Variants in STPG2 observed in about 807,000 individuals in gnomAD.
STPG2 encodes sperm tail PG-rich repeat containing 2.
Under a neutral mutation model 54.2 loss-of-function variants are expected in STPG2, and 56 were observed. The ratio of observed to expected loss-of-function variants is 1.03; its 90% confidence interval spans 0.83 to 1.29. The LOEUF is 1.29. Ranked by LOEUF, STPG2 falls within the 50% of genes most tolerant of loss-of-function variation. The pLI is 0.00. For synonymous variants in STPG2, 200 were observed against 181.8 expected, an observed-to-expected ratio of 1.10 and a Z score of -0.81; for missense variants, 596 against 544.9, an observed-to-expected ratio of 1.09 and a Z score of -0.93.
chr4:97,805,571 G>C (rs1402742286), intron 9 of STPG2, among the ~76,000 whole-genome samples: 1 of 152,138 alleles, frequency 6.6e-6, no homozygotes, highest in African/African-American at 2.4e-5. Context: ...GTCTTCTTTA[G>C]AGAAGTGTCT....
chr4:97,650,036 T>A (rs1722020259), intron 10 of STPG2, among the ~76,000 whole-genome samples: 1 of 152,072 alleles, frequency 6.6e-6, no homozygotes. Context: ...TAGATTCTCA[T>A]AAGGAGCACG....
At chr4:98,079,118 A>G (rs1038076821) in intron 5 of STPG2, among the ~76,000 whole-genome samples, 2 of 152,180 alleles carry the variant, frequency 1.3e-5, no homozygotes, top group African/African-American at 4.8e-5. Context: ...TATTATATAT[A>G]TACATTTAAA....
At chr4:97,955,585 CAGAA>C (rs1365100656) in intron 7 of STPG2, among the ~76,000 whole-genome samples, 1 of 151,900 alleles carries the variant, frequency 6.6e-6, no homozygotes, top group Non-Finnish European at 1.5e-5. Context: ...ATGAGAGTCT[CAGAA>C]AGACAGCAAG....
intron 5 of STPG2, among the ~76,000 whole-genome samples, chr4:98,098,852 A>C (rs1373626313): frequency 6.6e-6 from 1 of 152,236 alleles, no homozygotes; most frequent in Non-Finnish European, 1.5e-5. Flanking sequence ...TACAAATGGC[A>C]ACAAGCCTAT....
At chr4:97,558,406 T>A (rs1732133576), downstream of STPG2, among the ~76,000 whole-genome samples, 1 of 152,148 alleles carries the variant, frequency 6.6e-6, no homozygotes, top group African/African-American at 2.4e-5. Flanking sequence ...TGATTCGCCC[T>A]TAAGGAAAAA....
Position 97,903,954 on chromosome 4 carries a change from C to A in STPG2, c.1044+39943G>T, listed in dbSNP as rs544346018. Among the ~76,000 whole-genome samples the A allele has an allele frequency of 1.7e-3, 265 of 152,294 alleles. 2 individuals are homozygous for A. The highest frequency in any genetic ancestry group is 5.9e-3 in the African/African-American group (247 of 41,572). On this transcript the variant is annotated intron_variant, in intron 8 of 10. Transcript: ENST00000295268. ...CACCTGGCTCAGAGAGTCCTACGCC[C>A]ACAGAGTCTCGCTGATTGCTAGCAC...
intron 8 of STPG2, among the ~76,000 whole-genome samples, chr4:97,872,315 G>A (rs1005095007): frequency 6.6e-6 from 1 of 150,998 alleles, no homozygotes; most frequent in Admixed American, 6.6e-5. Context: ...CATCACTAAA[G>A]GCTTAAACAT....
At chr4:97,717,686 A>T (rs1469964804) in intron 9 of STPG2, among the ~76,000 whole-genome samples, 2 of 152,150 alleles carry the variant, frequency 1.3e-5, no homozygotes, top group Non-Finnish European at 2.9e-5. Context: ...ACGTAAATAC[A>T]TTGTAGATAA....
chr4:97,722,897 A>T (rs1286306532), intron 9 of STPG2, among the ~76,000 whole-genome samples: 3 of 146,840 alleles, frequency 2.0e-5, no homozygotes, highest in African/African-American at 7.6e-5. Context: ...TCCCGGGTTC[A>T]CGCCATTCTC....
chr4:97,850,315 T>TAAATAAATAAAG (rs1399539965), intron 8 of STPG2, among the ~76,000 whole-genome samples: 4 of 131,360 alleles, frequency 3.0e-5, no homozygotes, highest in African/African-American at 1.0e-4. Flanking sequence ...AATAAATAAA[T>TAAATAAATAAAG]AAATAAATAA....
intron 4 of STPG2, among the ~76,000 whole-genome samples, chr4:97,537,367 G>A (rs1174320610): frequency 1.3e-5 from 2 of 152,160 alleles, no homozygotes; most frequent in African/African-American, 4.8e-5. Context: ...ATTTCCAACA[G>A]TCTTAGCAAA....
chr4:97,616,744 A>T (rs1355650367), intron 10 of STPG2, among the ~76,000 whole-genome samples: 1 of 152,072 alleles, frequency 6.6e-6, no homozygotes, highest in Non-Finnish European at 1.5e-5. Flanking sequence ...TCCTCTCCCC[A>T]AAAAGACTTG....
chr4:98,077,426 C>A (rs754127137), intron 5 of STPG2, among the ~76,000 whole-genome samples: 1 of 151,908 alleles, frequency 6.6e-6, no homozygotes, highest in South Asian at 2.1e-4. Flanking sequence ...GTATTTAACA[C>A]GGGGTTTCAC....
chr4:97,526,824 C>T (rs1390576742), intron 4 of STPG2, among the ~76,000 whole-genome samples: 2 of 151,972 alleles, frequency 1.3e-5, no homozygotes, highest in Admixed American at 6.6e-5. Context: ...ACATTTAAGC[C>T]TTTAATCCAT....
At chr4:98,014,206 T>A (rs1735851859) in intron 5 of STPG2, among the ~76,000 whole-genome samples, 1 of 152,194 alleles carries the variant, frequency 6.6e-6, no homozygotes, top group Non-Finnish European at 1.5e-5. Context: ...CTTCTTGATT[T>A]CTGCCTTAAC....
rs552800424 is a variant in STPG2 at position 97,515,066 on chromosome 4, C to T, written c.462+197633G>A. 5.3e-5 allele frequency among the ~76,000 whole-genome samples: 8 copies of T among 152,106 alleles called. No homozygotes were observed. In the East Asian group the frequency reaches 9.7e-4, roughly 18 times the overall value. On this transcript the variant is annotated intron_variant, in intron 4 of 4. Coordinates refer to the STPG2 transcript ENST00000522676. ...CTGGAATTGATCACCCTAAGATGAA[C>T]GTGAGACGTGACTAATAAGTTCTAT...
At chr4:97,926,719 A>T (rs963093423) in intron 8 of STPG2, among the ~76,000 whole-genome samples, 4 of 151,558 alleles carry the variant, frequency 2.6e-5, no homozygotes, top group Non-Finnish European at 5.9e-5. Context: ...ACAAAAAGAC[A>T]TCACTAAATT....
chr4:97,639,032 AG>A (rs1721667236), intron 10 of STPG2, among the ~76,000 whole-genome samples: 1 of 152,104 alleles, frequency 6.6e-6, no homozygotes, highest in South Asian at 2.1e-4. Flanking sequence ...GCTGCTATAA[AG>A]ACACACGCAC....
chr4:98,087,750 CG>C (rs1019045088), intron 5 of STPG2, among the ~76,000 whole-genome samples: 95 of 151,928 alleles, frequency 6.3e-4, no homozygotes, highest in African/African-American at 2.2e-3. Flanking sequence ...TTAGTAGAGA[CG>C]GGGTTTCACC....
Sources: allele counts gnomAD v4.1 joint callset (sites outside exome capture counted in the v4.1 genomes callset), GRCh38; gene constraint gnomAD v4.1.1; transcripts MANE v1.5; gene names NCBI Gene and HGNC (gene_info 2026-07-23, HGNC 2026-07-21).